CSMD1: variants seen among roughly 807,000 people sequenced by gnomAD.
The protein encoded by CSMD1 is CUB and sushi domain-containing protein 1.
In CSMD1, 213 loss-of-function variants were observed where a neutral mutation model predicts 417.5. The ratio of observed to expected loss-of-function variants is 0.51; its 90% confidence interval spans 0.46 to 0.57. The LOEUF (loss-of-function observed/expected upper bound fraction) is 0.57, where lower values mean the gene tolerates loss of function less well. Ranked by LOEUF, CSMD1 falls within the 20% of genes least tolerant of loss-of-function variation. The probability of loss-of-function intolerance (pLI) is 0.00; values close to 1 mark genes in which losing one functional copy is unlikely to be tolerated. For synonymous variants in CSMD1, 2,862 were observed against 1,736.8 expected (o/e 1.65, Z -16.11); for missense variants, 6,923 against 4,529.7 (o/e 1.53, Z -15.17).
intron 1 of CSMD1, among the ~76,000 whole-genome samples, chr8:4,647,207 G>C (rs1247847953): frequency 6.6e-6 from 1 of 151,200 alleles, no homozygotes; most frequent in African/African-American, 2.4e-5. Context: ...TAACTTCAGA[G>C]TGTTTCGGGC....
intron 5 of CSMD1, among the ~76,000 whole-genome samples, chr8:3,902,203 C>T (rs115666732): frequency 6.6e-6 from 1 of 152,190 alleles, no homozygotes; most frequent in Non-Finnish European, 1.5e-5. Context: ...TCTGATACTT[C>T]AGCATTTTCT....
At chr8:3,188,725 A>T (rs542985135) in intron 35 of CSMD1, among the ~76,000 whole-genome samples, 162 bp downstream of exon 35, 1 of 152,258 alleles carries the variant, frequency 6.6e-6, no homozygotes, top group East Asian at 1.9e-4. Context: ...AAGAAAAGGG[A>T]AACAGAGTAT....
chr8:4,021,056 A>G (rs1019230133), intron 4 of CSMD1, among the ~76,000 whole-genome samples: 2 of 152,242 alleles, frequency 1.3e-5, no homozygotes, highest in Non-Finnish European at 2.9e-5. Context: ...CAGTGACAGC[A>G]TCAGAGCTCT....
intron 12 of CSMD1, among the ~76,000 whole-genome samples, chr8:3,468,172 T>G (rs1384715031): frequency 6.6e-6 from 1 of 152,216 alleles, no homozygotes; most frequent in African/African-American, 2.4e-5. Flanking sequence ...TAATGGGATC[T>G]TTTTCACAGG....
chr8:3,416,826 T>C (rs536034243), intron 12 of CSMD1, among the ~76,000 whole-genome samples: 1 of 152,342 alleles, frequency 6.6e-6, no homozygotes, highest in East Asian at 1.9e-4. Context: ...AGATGAGAAC[T>C]CCATGAATGA....
intron 1 of CSMD1, among the ~76,000 whole-genome samples, chr8:4,968,483 G>T (rs145750209): frequency 6.6e-6 from 1 of 152,012 alleles, no homozygotes; most frequent in Non-Finnish European, 1.5e-5. Context: ...CATAGATTAA[G>T]ATATAGGAAA....
intron 2 of CSMD1, among the ~76,000 whole-genome samples, chr8:4,631,333 G>A (rs914007466): frequency 6.6e-6 from 1 of 152,004 alleles, no homozygotes; most frequent in Non-Finnish European, 1.5e-5. Context: ...CCACGCTCCA[G>A]CCTGGGAGAC....
intron 1 of CSMD1, among the ~76,000 whole-genome samples, chr8:4,713,873 G>C (rs946749378): frequency 5.3e-5 from 8 of 152,176 alleles, no homozygotes; most frequent in Admixed American, 2.0e-4. Context: ...GAAGCCAAAA[G>C]TGGAGGTGGA....
chr8:3,852,436 G>A (rs1399951671), intron 5 of CSMD1, among the ~76,000 whole-genome samples: 4 of 152,198 alleles, frequency 2.6e-5, no homozygotes, highest in Non-Finnish European at 5.9e-5. Flanking sequence ...TGGTCAAGAC[G>A]TCGGGAAGAG....
intron 1 of CSMD1, among the ~76,000 whole-genome samples, chr8:4,748,534 G>A (rs752146783): frequency 2.6e-5 from 4 of 152,086 alleles, no homozygotes; most frequent in South Asian, 2.1e-4. Context: ...TTCGTGAAAC[G>A]GTATTTATCA....
chr8:3,265,192 T>C (rs1304156283), intron 26 of CSMD1, among the ~76,000 whole-genome samples: 1 of 151,856 alleles, frequency 6.6e-6, no homozygotes, highest in Non-Finnish European at 1.5e-5. Flanking sequence ...AACTAAAAAA[T>C]AAGAATCAGA....
intron 12 of CSMD1, among the ~76,000 whole-genome samples, chr8:3,434,672 C>G (rs931204074): frequency 2.6e-5 from 4 of 152,174 alleles, no homozygotes; most frequent in African/African-American, 9.7e-5. Flanking sequence ...CACCTTTTCT[C>G]CATATCCCCC....
At chr8:4,374,854 T>C (rs1488946091) in intron 3 of CSMD1, among the ~76,000 whole-genome samples, 1 of 150,186 alleles carries the variant, frequency 6.7e-6, no homozygotes, top group African/African-American at 2.5e-5. Flanking sequence ...TTAAAGAACC[T>C]AGGGGCTAAT....
intron 11 of CSMD1, among the ~76,000 whole-genome samples, chr8:3,478,138 T>A (rs1340550014): frequency 6.6e-6 from 1 of 152,238 alleles, no homozygotes; most frequent in Non-Finnish European, 1.5e-5. Flanking sequence ...CAGACTTTAT[T>A]TACTGTGCTG....
intron 47 of CSMD1, among the ~76,000 whole-genome samples, chr8:3,093,325 C>T (rs991958192): frequency 1.3e-5 from 2 of 152,156 alleles, no homozygotes; most frequent in Non-Finnish European, 2.9e-5. Context: ...TCCCGCCCTT[C>T]TGACCCCTTC....
chr8:3,543,428 A>G (rs1177469238), intron 10 of CSMD1, among the ~76,000 whole-genome samples: 1 of 152,200 alleles, frequency 6.6e-6, no homozygotes, highest in African/African-American at 2.4e-5. Context: ...GCAAGTGCAG[A>G]AGGGCAGAAA....
At chr8:3,754,765 C>G (rs980816992) in intron 5 of CSMD1, among the ~76,000 whole-genome samples, 6 of 152,186 alleles carry the variant, frequency 3.9e-5, no homozygotes, top group African/African-American at 1.4e-4. Flanking sequence ...ACAAGACTTA[C>G]GAATTCTATG....
At chr8:3,836,251 T>C (rs2129090747) in intron 5 of CSMD1, among the ~76,000 whole-genome samples, 1 of 152,308 alleles carries the variant, frequency 6.6e-6, no homozygotes, top group South Asian at 2.1e-4. Flanking sequence ...GGTTATCTGC[T>C]CTTATTTCAC....
chr8:4,837,100 C>CT (rs1800540122), intron 1 of CSMD1, among the ~76,000 whole-genome samples: 1 of 151,740 alleles, frequency 6.6e-6, no homozygotes, highest in Non-Finnish European at 1.5e-5. Flanking sequence ...ATGAGGGCTT[C>CT]ACTAAGTAAT....
Sources: allele counts gnomAD v4.1 joint callset (sites outside exome capture counted in the v4.1 genomes callset), GRCh38; gene constraint gnomAD v4.1.1; transcripts MANE v1.5; gene names NCBI Gene and HGNC (gene_info 2026-07-23, HGNC 2026-07-21).